The following HEATR6 variants were observed in gnomAD, a reference collection of about 807,000 sequenced individuals.
HEATR6 encodes the protein HEAT repeat-containing protein 6.
A neutral mutation model predicts 132.8 loss-of-function variants in HEATR6; 106 were observed. The observed-to-expected ratio is 0.80, with a 90% CI of 0.68 to 0.94. HEATR6 has a LOEUF of 0.94. Ranked by LOEUF, HEATR6 falls within the 40% of genes least tolerant of loss-of-function variation. HEATR6 has a pLI of 0.00. For missense variants in HEATR6, 1,339 were observed against 1,425.1 expected, an observed-to-expected ratio of 0.94 and a Z score of 0.97; for synonymous variants, 529 against 537.8, an observed-to-expected ratio of 0.98 and a Z score of 0.23.
chr17:60,055,248 T>C (rs1484568381), intron 14 of HEATR6, among the ~76,000 whole-genome samples: 3 of 152,176 alleles, frequency 2.0e-5, no homozygotes, highest in African/African-American at 7.2e-5. Flanking sequence ...CTCTTTTGCA[T>C]AAAAAACTAG....
At chr17:60,078,038 A>T (rs2083305000) in intron 1 of HEATR6, among the ~76,000 whole-genome samples, 1 of 152,184 alleles carries the variant, frequency 6.6e-6, no homozygotes, top group Non-Finnish European at 1.5e-5. Context: ...AATGAATTTC[A>T]TCTTTAGGAA....
chr17:60,043,873 A>G lies in HEATR6; in HGVS notation c.3236T>C (p.Leu1079Pro). 6.2e-7 allele frequency: 1 copy of G among 1,614,218 alleles called. No homozygotes were observed. The highest frequency in any genetic ancestry group is 8.5e-7 in the Non-Finnish European group (1 of 1,180,040). ...RTQICQALIH[L>P]LSLASASDLP... ...GTCCGAGGCACTGGCCAAGCTCAAG[A>G]GGTGAATCAGTGCCTGGCAGATTTG... Residue 1079 changes from leucine to proline, a missense_variant, in exon 20 of 20, where the codon CTC becomes CCC. Physicochemically the swap from Leu to Pro is moderately conservative, Grantham distance 98. Transcript: ENST00000184956.
Position 60,050,950 on chromosome 17 carries a change from T to A in HEATR6, c.2317A>T (p.Asn773Tyr), listed in dbSNP as rs748182059. Residue 773 changes from asparagine (N) to tyrosine (Y), a missense_variant, in exon 15 of 20, where the codon AAC (asparagine) becomes TAC (tyrosine). By Grantham distance (143) the Asn-to-Tyr change is moderately radical. Transcript: ENST00000184956. The part of the protein sequence containing the change: ...LVVMFWTMML[N>Y]GPLPRALQNS... The stretch of plus-strand genomic sequence containing the variant: ...TGCAGGGCTCTGGGTAAAGGACCGT[T>A]CAGCATCATAGTCCAGAACATCACC... 3.1e-6 allele frequency: 5 copies of A among 1,614,152 alleles called. No homozygotes were observed. The Admixed American group carries it at 6.7e-5, about 22-fold the overall frequency.
rs35114523 is a variant in HEATR6 at position 60,048,983 on chromosome 17, A to AATATATATATAT, written c.2547+585_2547+596dup. 2.5e-3 allele frequency among the ~76,000 whole-genome samples: 177 copies of AATATATATATAT among 69,486 alleles called. 1 individual carries two copies. The highest frequency in any genetic ancestry group is 4.3e-3 in the South Asian group (9 of 2,078). 45.6% of individuals were successfully genotyped at this position (69,486 alleles called of 152,430 possible). On this transcript the variant is annotated intron_variant, in intron 16 of 19. Coordinates refer to ENST00000184956, the MANE Select transcript of HEATR6 (RefSeq NM_022070.5). ...TTAAAAATAAATAACATATATATAT[A>AATATATATATAT]ATATATATATATATATATATATATA...
chr17:60,075,431 T>A (rs540739166), intron 2 of HEATR6, among the ~76,000 whole-genome samples: 5 of 152,230 alleles, frequency 3.3e-5, no homozygotes, highest in Non-Finnish European at 7.3e-5. Context: ...CTAATTCACA[T>A]AATGCTAGTT....
chr17:60,067,128 G>A (rs2083245208), intron 8 of HEATR6, among the ~76,000 whole-genome samples: 1 of 151,548 alleles, frequency 6.6e-6, no homozygotes, highest in South Asian at 2.1e-4. Context: ...AAATTAGCCG[G>A]GCGTAGTGGC....
intron 9 of HEATR6, among the ~76,000 whole-genome samples, chr17:60,060,964 T>TG (rs2083207602): frequency 6.6e-6 from 1 of 152,224 alleles, no homozygotes; most frequent in African/African-American, 2.4e-5. Context: ...GTTGAAAGAT[T>TG]ACTTTCAATT....
chr17:60,071,658 A>C (rs2145200715), intron 5 of HEATR6, among the ~76,000 whole-genome samples: 1 of 152,348 alleles, frequency 6.6e-6, no homozygotes, highest in South Asian at 2.1e-4. Flanking sequence ...ACAAAACAAG[A>C]AAGTTACAAA....
chr17:60,053,635 T>C (rs1251569070), intron 14 of HEATR6, among the ~76,000 whole-genome samples: 1 of 152,142 alleles, frequency 6.6e-6, no homozygotes, highest in African/African-American at 2.4e-5. Context: ...AGGTCTCAGA[T>C]AGAAATAAAA....
At chr17:60,078,610 A>C in intron 1 of HEATR6, 86 bp downstream of exon 1, 2 of 1,001,248 alleles carry the variant, frequency 2.0e-6, no homozygotes, top group Non-Finnish European at 2.9e-6. Flanking sequence ...GAGAGTGGGA[A>C]GATCAGGGAA....
intron 9 of HEATR6, chr17:60,063,491 G>T (rs1030677319): frequency 1.3e-5 from 2 of 152,156 alleles, no homozygotes; most frequent in African/African-American, 4.8e-5. Context: ...TGTGCTCTAT[G>T]AAGCACATTT....
intron 1 of HEATR6, among the ~76,000 whole-genome samples, chr17:60,077,333 G>A (rs570524961): frequency 6.6e-6 from 1 of 152,258 alleles, no homozygotes; most frequent in South Asian, 2.1e-4. Context: ...AAACCTGGAG[G>A]TGTGAAACAC....
intron 15 of HEATR6, 36 bp downstream of exon 15, chr17:60,050,807 C>T: frequency 6.2e-7 from 1 of 1,611,460 alleles, no homozygotes; most frequent in African/African-American, 1.3e-5. Flanking sequence ...GGTGCTCCAG[C>T]CATGATTTAA....
At chr17:60,045,037 T>C (rs1241148094) in intron 19 of HEATR6, among the ~76,000 whole-genome samples, 1 of 152,216 alleles carries the variant, frequency 6.6e-6, no homozygotes, top group East Asian at 1.9e-4. Flanking sequence ...CTCCAAGTCA[T>C]GCAGGTAAAC....
In HEATR6 at chr17:60,048,983, A is replaced by AT. The variant is rs1491095262; in HGVS notation, c.2547+596_2548-595insA. On this transcript the variant is annotated intron_variant, in intron 16 of 19. Transcript: ENST00000184956. The stretch of plus-strand genomic sequence containing the variant: ...TTAAAAATAAATAACATATATATAT[A>AT]ATATATATATATATATATATATATA... Among the ~76,000 whole-genome samples the AT allele has an allele frequency of 9.3e-3, 649 of 69,506 alleles. 27 individuals are homozygous for AT. The highest frequency in any genetic ancestry group is 0.048 in the African/African-American group (522 of 10,966). 45.6% of individuals were successfully genotyped at this position (69,506 alleles called of 152,430 possible).
At chr17:60,068,462 T>G (rs1180956484) in intron 7 of HEATR6, among the ~76,000 whole-genome samples, 1 of 151,212 alleles carries the variant, frequency 6.6e-6, no homozygotes, top group Non-Finnish European at 1.5e-5. Context: ...TTCTTTTATT[T>G]GCTATCACAG....
rs2083278436 is a variant in HEATR6 at position 60,073,192 on chromosome 17, C to T, written c.556G>A (p.Val186Ile). The T allele has an allele frequency of 1.2e-6, 2 of 1,611,436 alleles. No individual in the cohort carries two copies. Among genetic ancestry groups the T allele is most frequent in the Non-Finnish European group, 8.5e-7 (1 of 1,177,582 alleles). ...AGACATAAGTTTGCCATACAATGTA[C>T]TGCAGCTCTCCTGACTTCAGGATCA... ...QSDPEVRRAA[V>I]HCMANLCLSV... Residue 186 changes from valine to isoleucine, a missense_variant, in exon 4 of 20, where the codon GTA (valine) becomes ATA (isoleucine). By Grantham distance (29) the Val-to-Ile change is conservative (BLOSUM62 3). Transcript: ENST00000184956.
chr17:60,059,208 T>G (rs1168343293), intron 11 of HEATR6, among the ~76,000 whole-genome samples: 1 of 152,128 alleles, frequency 6.6e-6, no homozygotes, highest in Non-Finnish European at 1.5e-5. Flanking sequence ...CAGGCAAACT[T>G]TACAATTAAT....
intron 10 of HEATR6, 96 bp downstream of exon 10, chr17:60,059,794 T>A: frequency 1.1e-6 from 1 of 893,904 alleles, no homozygotes; most frequent in South Asian, 1.5e-5. Flanking sequence ...TATTACTTAG[T>A]TATATTCTTA....
Sources: allele counts gnomAD v4.1 joint callset (sites outside exome capture counted in the v4.1 genomes callset), GRCh38; gene constraint gnomAD v4.1.1; transcripts MANE v1.5; gene names NCBI Gene and HGNC (gene_info 2026-07-23, HGNC 2026-07-21).